TRIM36: variants seen among roughly 807,000 people sequenced by gnomAD.
TRIM36 encodes E3 ubiquitin-protein ligase TRIM36.
Under a neutral mutation model 72.4 loss-of-function variants are expected in TRIM36, and 42 were observed. That is an observed-to-expected ratio of 0.58 (90% confidence interval 0.45 to 0.75). The LOEUF (loss-of-function observed/expected upper bound fraction) is 0.75, where lower values mean the gene tolerates loss of function less well. TRIM36 is among the 30% of genes least tolerant of loss of function. TRIM36 has a pLI of 0.00. For synonymous variants in TRIM36, 315 were observed against 282.8 expected, an observed-to-expected ratio of 1.11 and a Z score of -1.14; for missense variants, 913 against 857.1, an observed-to-expected ratio of 1.07 and a Z score of -0.81.
rs569238465 is a variant in TRIM36, at chr5:115,144,020, G to A, written c.735+578C>T. ...TGAGTAGCTGGGACTACAGGTGCCCGCCACCATGCCCAGCTAATTTTTTTT... is the reference window on the plus strand; with the variant it reads ...TGAGTAGCTGGGACTACAGGTGCCCACCACCATGCCCAGCTAATTTTTTTT... On this transcript the variant is annotated intron_variant, in intron 4 of 9. Transcript: ENST00000513154. Among the ~76,000 whole-genome samples the A allele has an allele frequency of 4.4e-3, 652 of 147,652 alleles. 2 individuals carry two copies. Among genetic ancestry groups the A allele is most frequent in the Non-Finnish European group, 7.4e-3 (503 of 67,588 alleles).
intron 5 of TRIM36, among the ~76,000 whole-genome samples, chr5:115,139,161 C>T (rs1018596420): frequency 6.8e-6 from 1 of 147,262 alleles, no homozygotes; most frequent in African/African-American, 2.5e-5. Flanking sequence ...TGCCCTATCA[C>T]CTAGGCTAGA....
At chr5:115,145,971 G>A (rs1753572833) in intron 3 of TRIM36, among the ~76,000 whole-genome samples, 1 of 152,166 alleles carries the variant, frequency 6.6e-6, no homozygotes, top group Admixed American at 6.5e-5. Context: ...ACTATATTGA[G>A]TAGCACTAAC....
chr5:115,146,632 A>T (rs1190974513), intron 3 of TRIM36, among the ~76,000 whole-genome samples: 1 of 152,232 alleles, frequency 6.6e-6, no homozygotes, highest in Non-Finnish European at 1.5e-5. Context: ...ATTAGGCTGT[A>T]ATTACTTTTA....
At chr5:115,177,597 G>T (rs752158572) in intron 1 of TRIM36, 495 of 1,461,964 alleles carry the variant, frequency 3.4e-4, no homozygotes, top group Non-Finnish European at 4.3e-4. Flanking sequence ...ACAAAACAGG[G>T]GTCTTAAATG....
upstream of TRIM36, chr5:115,171,106 G>C (rs1251497920): frequency 1.9e-6 from 3 of 1,614,106 alleles, no homozygotes. Flanking sequence ...ATCTCGTTTA[G>C]GTTTTAAAAT....
rs551814462 is a variant in TRIM36, at chr5:115,163,743, T to C, written c.37A>G (p.Lys13Glu). The change falls in exon 2 of 10, where the codon AAG (lysine) becomes GAG (glutamate). Residue 13 changes from lysine (K) to glutamate (E), a missense_variant. Lys to Glu is a moderately conservative substitution (Grantham distance 56). Transcript: ENST00000513154. ...GDGSDSPVTI[K>E]NIERELICPA... The stretch of plus-strand genomic sequence containing the variant: ...CAAATGAGCTCCCTTTCGATATTCT[T>C]AATGGTAACCTTGAGAGTAAAATAG... 145 of 1,614,030 alleles carry C rather than the reference T, an allele frequency of 9.0e-5. 3 individuals carry two copies. The South Asian group carries it at 1.5e-3, about 17-fold the overall frequency.
chr5:115,134,748 G>T (rs1752877724), intron 7 of TRIM36, among the ~76,000 whole-genome samples: 1 of 152,108 alleles, frequency 6.6e-6, no homozygotes, highest in Admixed American at 6.6e-5. Flanking sequence ...CACCGTGTTA[G>T]CCAGGATGTT....
chr5:115,127,041 G>A (rs1326307660), intron 9 of TRIM36, among the ~76,000 whole-genome samples, 184 bp from the exon 10 acceptor site: 2 of 152,088 alleles, frequency 1.3e-5, no homozygotes, highest in African/African-American at 4.8e-5. Flanking sequence ...CACAGACTCA[G>A]CCCCAAATTC....
At chr5:115,158,134 T>TGAAA (rs1554064616) in intron 2 of TRIM36, among the ~76,000 whole-genome samples, 4 of 151,566 alleles carry the variant, frequency 2.6e-5, no homozygotes, top group Non-Finnish European at 5.9e-5. Flanking sequence ...ATTTTAAAAA[T>TGAAA]GAAAGAAAGA....
chr5:115,131,691 G>GATAC (rs1474914459), intron 8 of TRIM36, among the ~76,000 whole-genome samples: 1 of 152,130 alleles, frequency 6.6e-6, no homozygotes, highest in Non-Finnish European at 1.5e-5. Flanking sequence ...CATACATTTG[G>GATAC]ATACATGCTA....
intron 1 of TRIM36, among the ~76,000 whole-genome samples, chr5:115,165,946 G>A (rs1016813461): frequency 3.3e-5 from 5 of 152,122 alleles, no homozygotes; most frequent in African/African-American, 1.2e-4. Context: ...TGCTTGAGGA[G>A]ATGCTGACAC....
chr5:115,140,866 T>C (rs1383817516), intron 5 of TRIM36, among the ~76,000 whole-genome samples: 2 of 152,184 alleles, frequency 1.3e-5, no homozygotes, highest in Non-Finnish European at 2.9e-5. Flanking sequence ...ATATAGGGTA[T>C]ACACTCAGGA....
chr5:115,155,910 G>C (rs1431550395), intron 2 of TRIM36, among the ~76,000 whole-genome samples: 2 of 152,056 alleles, frequency 1.3e-5, no homozygotes, highest in African/African-American at 4.8e-5. Context: ...AAACCCTAAA[G>C]CCTCCTCCAG....
At chr5:115,161,434 T>C (rs889593260) in intron 2 of TRIM36, among the ~76,000 whole-genome samples, 5 of 152,272 alleles carry the variant, frequency 3.3e-5, no homozygotes, top group East Asian at 3.9e-4. Flanking sequence ...CACCCACCCA[T>C]TGTTTTAAAC....
In TRIM36 at chr5:115,137,040, T is replaced by C; in HGVS notation, c.1170A>G (p.Lys390=). 1 of 1,610,072 alleles carries C rather than the reference T, an allele frequency of 6.2e-7. No homozygotes were observed. The highest frequency in any genetic ancestry group is 8.5e-7 in the Non-Finnish European group (1 of 1,178,610). The change falls in exon 7 of 10, where the codon AAA becomes AAG. Residue 390 remains lysine (K), a synonymous_variant. Transcript: ENST00000513154. The part of the protein sequence containing the change: ...SFEDYVVNTS[K]QTELLGELSF... ...ATAATTCTCCAAGAAGTTCTGTTTG[T>C]TTAGAGGTATTAACAACATAGTCTT...
intron 1 of TRIM36, among the ~76,000 whole-genome samples, chr5:115,165,558 A>T (rs1326992850): frequency 6.6e-6 from 1 of 152,208 alleles, no homozygotes; most frequent in Non-Finnish European, 1.5e-5. Flanking sequence ...CAGCTGGGAC[A>T]CAGGGCACCA....
At chr5:115,177,679 G>T in intron 1 of TRIM36, 6 of 1,608,732 alleles carry the variant, frequency 3.7e-6, no homozygotes, top group South Asian at 1.1e-5. Flanking sequence ...AGCTTACGTT[G>T]AAATGGTTAG....
In TRIM36 at chr5:115,130,616, G is replaced by A; in HGVS notation, c.1772C>T (p.Ser591Phe). Residue 591 changes from serine (S) to phenylalanine (F), a missense_variant, in exon 9 of 10, where the codon TCT becomes TTT. Transcript: ENST00000513154. ...SSDKLQEWLR[S>F]PRDAVSPRYE... is the part of the protein sequence containing the mutation. The stretch of plus-strand genomic sequence containing the variant: ...CCTTGGACTAACTGCATCCCGGGGA[G>A]AACGGAGCCATTCTTGTAGTTTATC... 3 of 1,614,132 alleles carry A rather than the reference G, an allele frequency of 1.9e-6. No homozygotes were observed. The highest frequency in any genetic ancestry group is 2.2e-5 in the East Asian group (1 of 44,878).
intron 7 of TRIM36, 149 bp downstream of exon 7, chr5:115,136,851 T>C (rs186058439): frequency 3.0e-6 from 2 of 669,252 alleles, no homozygotes; most frequent in Admixed American, 3.9e-5. Context: ...TTTAAAAACA[T>C]AAATAGGATA....
Sources: allele counts gnomAD v4.1 joint callset (sites outside exome capture counted in the v4.1 genomes callset), GRCh38; gene constraint gnomAD v4.1.1; transcripts MANE v1.5; gene names NCBI Gene and HGNC (gene_info 2026-07-23, HGNC 2026-07-21).